Variants in PLCB1 observed in about 807,000 individuals in gnomAD.
PLCB1 encodes phospholipase C beta 1.
PLCB1 carries 46 observed loss-of-function variants against 161.8 expected under a neutral mutation model. The ratio of observed to expected loss-of-function variants is 0.28; its 90% confidence interval spans 0.22 to 0.36. The LOEUF is 0.36. PLCB1 is among the 10% of genes least tolerant of loss of function. The probability of loss-of-function intolerance (pLI) is 1.00; values close to 1 mark genes in which losing one functional copy is unlikely to be tolerated. For missense variants in PLCB1, 1,016 were observed against 1,472.5 expected (o/e 0.69, Z 5.07); for synonymous variants, 517 against 503.7 (o/e 1.03, Z -0.35).
At chr20:8,710,308 CA>C (rs1332525176) in intron 12 of PLCB1, among the ~76,000 whole-genome samples, 1 of 152,034 alleles carries the variant, frequency 6.6e-6, no homozygotes, top group Non-Finnish European at 1.5e-5. Context: ...CTCACTATCG[CA>C]ACAACAGTAC....
At chr20:8,221,413 G>A (rs967052954) in intron 2 of PLCB1, among the ~76,000 whole-genome samples, 1 of 151,952 alleles carries the variant, frequency 6.6e-6, no homozygotes, top group Non-Finnish European at 1.5e-5. Flanking sequence ...GCAACTTTTG[G>A]GCACTGTTTA....
intron 3 of PLCB1, among the ~76,000 whole-genome samples, chr20:8,581,278 A>G (rs1187258873): frequency 2.0e-5 from 3 of 152,110 alleles, no homozygotes; most frequent in Non-Finnish European, 4.4e-5. Flanking sequence ...AAATGTTCCA[A>G]TGCTCCCCCG....
At chr20:8,594,800 C>T (rs1238599961) in intron 3 of PLCB1, among the ~76,000 whole-genome samples, 1 of 151,996 alleles carries the variant, frequency 6.6e-6, no homozygotes, top group East Asian at 1.9e-4. Context: ...AAATATTTAA[C>T]CAAGTGTACC....
intron 23 of PLCB1, among the ~76,000 whole-genome samples, chr20:8,750,444 A>G (rs1399638724): frequency 6.6e-6 from 1 of 152,230 alleles, no homozygotes; most frequent in African/African-American, 2.4e-5. Flanking sequence ...AGAGCTGTAC[A>G]AGGAACACCT....
intron 2 of PLCB1, among the ~76,000 whole-genome samples, chr20:8,179,388 T>A (rs1194515314): frequency 6.6e-6 from 1 of 152,186 alleles, no homozygotes; most frequent in African/African-American, 2.4e-5. Flanking sequence ...TTATTCTTTT[T>A]TTGTGGCTAC....
intron 3 of PLCB1, among the ~76,000 whole-genome samples, chr20:8,455,165 C>T (rs1315767036): frequency 2.0e-5 from 3 of 151,710 alleles, no homozygotes; most frequent in Non-Finnish European, 4.4e-5. Flanking sequence ...ACCGTCTCTA[C>T]TAAAAATACA....
At chr20:8,659,627 T>C (rs1214547564) in intron 9 of PLCB1, among the ~76,000 whole-genome samples, 1 of 152,050 alleles carries the variant, frequency 6.6e-6, no homozygotes, top group Non-Finnish European at 1.5e-5. Context: ...ATCATAAAAG[T>C]AAATTTAAAA....
At chr20:8,484,121 G>A (rs552005290) in intron 3 of PLCB1, among the ~76,000 whole-genome samples, 170 of 152,298 alleles carry the variant, frequency 1.1e-3, no homozygotes, top group African/African-American at 3.7e-3. Context: ...AGCCTCACGG[G>A]TTCAAACAAT....
At chr20:8,791,161 A>C (rs1983739451) in intron 31 of PLCB1, among the ~76,000 whole-genome samples, 1 of 151,824 alleles carries the variant, frequency 6.6e-6, no homozygotes, top group Admixed American at 6.6e-5. Context: ...TTTCATATTT[A>C]TTATATAAGA....
intron 12 of PLCB1, among the ~76,000 whole-genome samples, chr20:8,709,074 T>C (rs763648614): frequency 1.2e-4 from 19 of 152,208 alleles, no homozygotes; most frequent in Non-Finnish European, 1.8e-4. Context: ...TGGGCCACTT[T>C]TATAACCCTT....
chr20:8,791,227 A>G (rs1277421522), intron 31 of PLCB1, among the ~76,000 whole-genome samples: 2 of 152,062 alleles, frequency 1.3e-5, no homozygotes, highest in Admixed American at 6.5e-5. Context: ...ATAGATTCTC[A>G]AGCAAGAATT....
At chr20:8,447,040 G>A (rs956578829) in intron 3 of PLCB1, among the ~76,000 whole-genome samples, 6 of 152,164 alleles carry the variant, frequency 3.9e-5, no homozygotes, top group African/African-American at 1.4e-4. Context: ...AAGTATGTGT[G>A]TATAAATATA....
At chr20:8,522,924 C>G (rs1350988697) in intron 3 of PLCB1, among the ~76,000 whole-genome samples, 1 of 152,064 alleles carries the variant, frequency 6.6e-6, no homozygotes, top group African/African-American at 2.4e-5. Context: ...ATAAGGAAAT[C>G]TTAAATTAAA....
At chr20:8,200,796 G>C (rs2052084280) in intron 2 of PLCB1, among the ~76,000 whole-genome samples, 1 of 151,856 alleles carries the variant, frequency 6.6e-6, no homozygotes, top group Non-Finnish European at 1.5e-5. Flanking sequence ...TATTTATCTG[G>C]ATCCGTGTAT....
At chr20:8,698,772 T>C (rs1990636128) in intron 11 of PLCB1, among the ~76,000 whole-genome samples, 2 of 152,290 alleles carry the variant, frequency 1.3e-5, no homozygotes, top group East Asian at 1.9e-4. Context: ...CAAACAATCC[T>C]ATGAGAGGGT....
intron 2 of PLCB1, among the ~76,000 whole-genome samples, chr20:8,320,955 AAAAG>A (rs1234773210): frequency 7.9e-5 from 12 of 151,778 alleles, no homozygotes; most frequent in African/African-American, 9.7e-5. Flanking sequence ...GGAAGGAAGG[AAAAG>A]AAAGAAAGGG....
intron 2 of PLCB1, among the ~76,000 whole-genome samples, chr20:8,289,870 A>C (rs1983305840): frequency 6.6e-6 from 1 of 152,210 alleles, no homozygotes; most frequent in African/African-American, 2.4e-5. Flanking sequence ...AATGGCTTGA[A>C]AGTAACTAAT....
intron 10 of PLCB1, among the ~76,000 whole-genome samples, chr20:8,697,403 T>C (rs558246061): frequency 6.6e-6 from 1 of 152,216 alleles, no homozygotes; most frequent in Non-Finnish European, 1.5e-5. Flanking sequence ...CATGCATCGT[T>C]GTTATTGTTA....
intron 3 of PLCB1, among the ~76,000 whole-genome samples, chr20:8,496,490 G>A (rs905679982): frequency 1.3e-5 from 2 of 152,204 alleles, no homozygotes; most frequent in African/African-American, 4.8e-5. Context: ...AGAGGGAGAT[G>A]CAGGGTAATT....
Sources: gnomAD v4.1 joint callset for allele counts (sites outside exome capture counted in the v4.1 genomes callset) on GRCh38, gnomAD v4.1.1 for gene constraint, MANE v1.5 for transcripts, NCBI Gene and HGNC (gene_info 2026-07-23, HGNC 2026-07-21) for gene names.